DMD: variants seen among roughly 807,000 people sequenced by gnomAD.
DMD encodes the protein mutant dystrophin.
Under a neutral mutation model 330.1 loss-of-function variants are expected in DMD, and 63 were observed. That is an observed-to-expected ratio of 0.19 (90% CI 0.16 to 0.24). DMD has a LOEUF of 0.24. DMD is among the 10% of genes least tolerant of loss of function. The pLI is 1.00. For synonymous variants in DMD, 1,223 were observed against 959.8 expected, an observed-to-expected ratio of 1.27 and a Z score of -5.07; for missense variants, 3,344 against 2,684.1, an observed-to-expected ratio of 1.25 and a Z score of -5.43.
intron 2 of DMD, among the ~76,000 whole-genome samples, chrX:32,901,654 C>A (rs1228819660): frequency 9.1e-6 from 1 of 110,476 alleles, no homozygotes; most frequent in Non-Finnish European, 1.9e-5. Context: ...CAACATGTGC[C>A]CTTTTTAAAA....
chrX:33,205,675 G>A (rs768449595), intron 1 of DMD, among the ~76,000 whole-genome samples: 1 of 112,033 alleles, frequency 8.9e-6, no homozygotes, highest in African/African-American at 3.2e-5. Context: ...CAAAACAAAA[G>A]CCAAGAAGAG....
chrX:32,132,956 T>C (rs957047143), intron 44 of DMD, among the ~76,000 whole-genome samples: 1 of 107,899 alleles, frequency 9.3e-6, no homozygotes, highest in Non-Finnish European at 1.9e-5. Context: ...CACACTTTTG[T>C]TTTTCTTCCC....
rs397957622 is a variant in DMD, at chrX:31,970,471, T to TA, written c.6439-1958dup. 5.3e-3 allele frequency among the ~76,000 whole-genome samples: 482 copies of TA among 90,598 alleles called. 3 individuals are homozygous for TA. The highest frequency in any genetic ancestry group is 8.0e-3 in the Admixed American group (73 of 9,182). The allele number at this position is 90,598 out of a possible 115,157, so 78.7% of individuals were successfully genotyped here. On this transcript the variant is annotated intron_variant, in intron 44 of 78. Coordinates refer to ENST00000357033, the MANE Select transcript of DMD (RefSeq NM_004006.3). Reference sequence around the variant, plus strand: ...ATTTGTTATACTACATACAGTAGGATAAAAAAAAAGCAAGGTGATCAACAA... The same window carrying TA: ...ATTTGTTATACTACATACAGTAGGATAAAAAAAAAAGCAAGGTGATCAACAA...
chrX:32,738,201 G>T (rs780610541), intron 7 of DMD, among the ~76,000 whole-genome samples: 1 of 111,798 alleles, frequency 8.9e-6, no homozygotes, highest in African/African-American at 3.2e-5. Context: ...ATGTGGTTGC[G>T]TAGGCACAGG....
At chrX:31,925,097 G>T (rs12857848) in intron 47 of DMD, among the ~76,000 whole-genome samples, 6,728 of 111,505 alleles carry the variant, frequency 0.06, 205 homozygotes, top group Middle Eastern at 0.1. Context: ...AGCAGAGAAG[G>T]TTCTAGAAAG....
At chrX:32,392,747 G>A in intron 30 of DMD, among the ~76,000 whole-genome samples, 1 of 112,509 alleles carries the variant, frequency 8.9e-6, no homozygotes. Flanking sequence ...AAGTGGCCTG[G>A]CAGCTTCCAC....
At chrX:32,559,295 C>A (rs1247890594) in intron 16 of DMD, among the ~76,000 whole-genome samples, 2 of 110,758 alleles carry the variant, frequency 1.8e-5, no homozygotes, top group Non-Finnish European at 1.9e-5. Context: ...GAGGAATTAC[C>A]CAAAACATGT....
chrX:31,706,936 G>C (rs985351738), intron 52 of DMD, among the ~76,000 whole-genome samples: 3 of 112,060 alleles, frequency 2.7e-5, no homozygotes, highest in Non-Finnish European at 3.8e-5. Context: ...AAATTTTCTT[G>C]AGACAGGCAT....
At position 32,486,562 on chromosome X, in the gene DMD, G is replaced by A. The variant is rs372859743; in HGVS notation, c.2623-1463C>T. 1.7e-4 allele frequency among the ~76,000 whole-genome samples: 19 copies of A among 110,482 alleles called. 1 individual carries two copies. The South Asian group carries it at 3.1e-3, about 18-fold the overall frequency. ...CGCCAAGTCAATCCTAAGCCAACAG[G>A]ACAAAGCTGGAGGCATCACACTACC... is the stretch of plus-strand genomic sequence containing the variant. On this transcript the variant is annotated intron_variant, in intron 20 of 78. Coordinates refer to ENST00000357033, the MANE Select transcript of DMD (RefSeq NM_004006.3).
chrX:32,840,011 G>A (rs1041661107), intron 4 of DMD, among the ~76,000 whole-genome samples: 2 of 112,017 alleles, frequency 1.8e-5, no homozygotes, highest in African/African-American at 6.5e-5. Flanking sequence ...GCCCAGCCTA[G>A]ATTTACTTTT....
intron 22 of DMD, among the ~76,000 whole-genome samples, chrX:32,470,754 A>G (rs778559273): frequency 1.3e-3 from 147 of 112,031 alleles, no homozygotes; most frequent in Non-Finnish European, 2.3e-3. Context: ...AAATATCTAA[A>G]TAGGACAATA....
At chrX:32,917,640 G>A (rs1360906545) in intron 2 of DMD, among the ~76,000 whole-genome samples, 5 of 111,840 alleles carry the variant, frequency 4.5e-5, no homozygotes, top group African/African-American at 1.6e-4. Context: ...AAGAGAAGAA[G>A]GTAAATTGCA....
chrX:32,280,038 C>T (rs1011617525), intron 43 of DMD, among the ~76,000 whole-genome samples: 3 of 73,433 alleles, frequency 4.1e-5, no homozygotes, highest in South Asian at 6.3e-4. Flanking sequence ...ATATATATAC[C>T]CCACATATAT....
intron 2 of DMD, among the ~76,000 whole-genome samples, chrX:32,899,557 C>T (rs1421128961): frequency 9.3e-6 from 1 of 107,463 alleles, no homozygotes; most frequent in Non-Finnish European, 1.9e-5. Flanking sequence ...GCCTGTAGTC[C>T]CAGCTACTCA....
rs1157343238 is a variant in DMD at position 32,586,744 on chromosome X, C to T, written c.1602+9013G>A. ...GGAGAAATCTCAGGTTGAGTTGTCA[C>T]ACATCTGAATACCAGTGTCAGCCTT... is the stretch of plus-strand genomic sequence containing the variant. On this transcript the variant is annotated intron_variant, in intron 13 of 78. Coordinates refer to ENST00000357033, the MANE Select transcript of DMD (RefSeq NM_004006.3). Among the ~76,000 whole-genome samples, 25 of 110,892 alleles carry T rather than the reference C, an allele frequency of 2.3e-4. 1 individual carries two copies.
intron 44 of DMD, among the ~76,000 whole-genome samples, chrX:31,995,199 A>G (rs1382279891): frequency 8.9e-6 from 1 of 111,864 alleles, no homozygotes; most frequent in Non-Finnish European, 1.9e-5. Flanking sequence ...ATATTTATTC[A>G]TTTACTGAAA....
intron 2 of DMD, among the ~76,000 whole-genome samples, chrX:32,877,685 G>C (rs989579444): frequency 8.9e-6 from 1 of 112,054 alleles, no homozygotes; most frequent in Non-Finnish European, 1.9e-5. Flanking sequence ...CTTCAGGCTA[G>C]TAAAGCTGCT....
chrX:31,899,880 A>G (rs945644971), intron 47 of DMD, among the ~76,000 whole-genome samples: 1 of 111,471 alleles, frequency 9.0e-6, no homozygotes, highest in African/African-American at 3.3e-5. Flanking sequence ...AGTGGTACAA[A>G]CATCCCTGCT....
At chrX:33,303,966 T>C (rs1401539648) in intron 1 of DMD, among the ~76,000 whole-genome samples, 3 of 111,947 alleles carry the variant, frequency 2.7e-5, no homozygotes, top group Admixed American at 1.9e-4. Flanking sequence ...TAATATAATT[T>C]TATCAACAAA....
Sources: gnomAD v4.1 joint callset for allele counts (sites outside exome capture counted in the v4.1 genomes callset) on GRCh38, gnomAD v4.1.1 for gene constraint, MANE v1.5 for transcripts, NCBI Gene and HGNC (gene_info 2026-07-23, HGNC 2026-07-21) for gene names.